The following CADPS2 variants were observed in gnomAD, a reference collection of about 807,000 sequenced individuals.
CADPS2 encodes calcium-dependent secretion activator 2.
CADPS2 carries 93 observed loss-of-function variants against 172.5 expected under a neutral mutation model. That is an observed-to-expected ratio of 0.54 (90% CI 0.46 to 0.64). The LOEUF is 0.64. CADPS2 is among the 30% of genes least tolerant of loss of function. The pLI is 0.00. For missense variants in CADPS2, 1,420 were observed against 1,565.9 expected (o/e 0.91, Z 1.57); for synonymous variants, 546 against 555.2 (o/e 0.98, Z 0.23).
intron 6 of CADPS2, among the ~76,000 whole-genome samples, chr7:122,602,896 T>C (rs1333612671): frequency 6.6e-6 from 1 of 152,102 alleles, no homozygotes; most frequent in Non-Finnish European, 1.5e-5. Context: ...TTCACCTTAA[T>C]TTCATAACTC....
intron 28 of CADPS2, among the ~76,000 whole-genome samples, chr7:122,327,174 C>T (rs750791603): frequency 2.6e-5 from 4 of 152,014 alleles, no homozygotes; most frequent in African/African-American, 9.7e-5. Flanking sequence ...TTAACTGGCA[C>T]GTTAAATCTC....
At chr7:122,652,132 C>T (rs951655757) in intron 3 of CADPS2, among the ~76,000 whole-genome samples, 2 of 152,156 alleles carry the variant, frequency 1.3e-5, no homozygotes, top group East Asian at 3.9e-4. Context: ...ATTAACCACA[C>T]CACTATAGCA....
intron 11 of CADPS2, among the ~76,000 whole-genome samples, chr7:122,488,246 G>T (rs976934261): frequency 2.6e-5 from 4 of 152,140 alleles, no homozygotes; most frequent in Non-Finnish European, 1.5e-5. Flanking sequence ...AATGAACAGA[G>T]CTCCAGAGGA....
At chr7:122,492,151 G>A (rs972613146) in intron 9 of CADPS2, among the ~76,000 whole-genome samples, 2 of 151,982 alleles carry the variant, frequency 1.3e-5, no homozygotes, top group African/African-American at 2.4e-5. Context: ...CAGCCTGGAC[G>A]ACAGAGCGAG....
At chr7:122,570,644 CAAT>C (rs1270262197) in intron 7 of CADPS2, among the ~76,000 whole-genome samples, 4 of 150,650 alleles carry the variant, frequency 2.7e-5, no homozygotes, top group Non-Finnish European at 4.4e-5. Flanking sequence ...AAATGTCCAA[CAAT>C]GATAGACTGG....
intron 8 of CADPS2, among the ~76,000 whole-genome samples, chr7:122,516,858 C>T (rs1247021629): frequency 6.6e-6 from 1 of 151,880 alleles, no homozygotes; most frequent in African/African-American, 2.4e-5. Flanking sequence ...TCTATAATTC[C>T]ACAATGTCTA....
intron 8 of CADPS2, among the ~76,000 whole-genome samples, chr7:122,537,675 C>T (rs1050006762): frequency 6.6e-6 from 1 of 151,706 alleles, no homozygotes; most frequent in Non-Finnish European, 1.5e-5. Flanking sequence ...CACAACCCAA[C>T]AATCCTAGGG....
At chr7:122,347,615 A>G (rs1036014944) in intron 27 of CADPS2, among the ~76,000 whole-genome samples, 1 of 152,150 alleles carries the variant, frequency 6.6e-6, no homozygotes, top group African/African-American at 2.4e-5. Context: ...TTGGCTATCT[A>G]TTTTCAACCT....
chr7:122,629,378 C>G lies in CADPS2; in HGVS notation c.787-50G>C, dbSNP rs1173616281. 3.6e-6 allele frequency: 5 copies of G among 1,397,246 alleles called. No homozygotes were observed. In the East Asian group the frequency reaches 1.2e-4, roughly 34 times the overall value. The allele number at this position is 1,397,246 out of a possible 1,614,324, so 86.6% of individuals were successfully genotyped here. A position where few individuals can be genotyped will look rare whatever the true frequency, so the allele number is the denominator to read the frequency against. ...CATATGTAATTACTTAATCTATATA[C>G]AGTGACCCACAGACTGAGGCAGTCC... is the stretch of plus-strand genomic sequence containing the variant. On this transcript the variant is annotated intron_variant, in intron 3 of 29. Coordinates refer to ENST00000449022, the MANE Select transcript of CADPS2 (RefSeq NM_017954.11).
intron 1 of CADPS2, among the ~76,000 whole-genome samples, chr7:122,739,485 T>C (rs998081602): frequency 6.6e-6 from 1 of 152,154 alleles, no homozygotes; most frequent in East Asian, 1.9e-4. Context: ...GTGTAGAAAA[T>C]TCATGGATAT....
At chr7:122,681,823 T>G (rs1158866005) in intron 2 of CADPS2, among the ~76,000 whole-genome samples, 3 of 151,764 alleles carry the variant, frequency 2.0e-5, no homozygotes, top group African/African-American at 2.4e-5. Context: ...ATATAAAGCC[T>G]TGAACTGTCT....
chr7:122,550,096 C>T (rs1482371206), intron 8 of CADPS2, among the ~76,000 whole-genome samples: 3 of 152,192 alleles, frequency 2.0e-5, no homozygotes, highest in Admixed American at 2.0e-4. Context: ...GCTGTCCCAA[C>T]CTCTGGATGC....
chr7:122,562,312 C>T (rs999648924), intron 7 of CADPS2, among the ~76,000 whole-genome samples: 8 of 152,100 alleles, frequency 5.3e-5, no homozygotes, highest in African/African-American at 9.7e-5. Flanking sequence ...TTCTGAAACA[C>T]GGCAGAGGAA....
At chr7:122,616,755 G>C (rs768659854) in intron 5 of CADPS2, among the ~76,000 whole-genome samples, 18 of 152,030 alleles carry the variant, frequency 1.2e-4, no homozygotes, top group Non-Finnish European at 1.8e-4. Context: ...ACTAAATCTT[G>C]ATTAAAGAAA....
intron 3 of CADPS2, among the ~76,000 whole-genome samples, chr7:122,644,624 G>C (rs2078099939): frequency 6.6e-6 from 1 of 152,070 alleles, no homozygotes; most frequent in Non-Finnish European, 1.5e-5. Flanking sequence ...TATCCCCTCT[G>C]TGTTGACCCA....
At chr7:122,682,577 T>C (rs1047068606) in intron 2 of CADPS2, among the ~76,000 whole-genome samples, 3 of 152,206 alleles carry the variant, frequency 2.0e-5, no homozygotes, top group African/African-American at 7.2e-5. Flanking sequence ...ATCCTTAATA[T>C]ATGTTTACTA....
intron 15 of CADPS2, among the ~76,000 whole-genome samples, chr7:122,443,799 T>C (rs1286195584): frequency 2.0e-5 from 3 of 151,554 alleles, no homozygotes; most frequent in Non-Finnish European, 4.4e-5. Flanking sequence ...TGTACATTAA[T>C]ATTTTTACTT....
Position 122,513,267 on chromosome 7 carries a change from A to T in CADPS2, c.1524T>A (p.Arg508=), listed in dbSNP as rs891074248. 9 of 1,561,970 alleles carry T rather than the reference A, an allele frequency of 5.8e-6. No homozygotes were observed. Among genetic ancestry groups the T allele is most frequent in the Non-Finnish European group, 7.8e-6 (9 of 1,151,656 alleles). Residue 508 remains arginine (R), a synonymous_variant, in exon 9 of 30, where the codon CGT becomes CGA. Transcript: ENST00000449022. The part of the protein sequence containing the change: ...GQKVWKRWKK[R]YFVLVQVSQY... ...GACTAACCTGAACTAGAACAAAGTAACGTTTTTTCCATCTTTTCCAAACCT... is the reference window on the plus strand; with the variant it reads ...GACTAACCTGAACTAGAACAAAGTATCGTTTTTTCCATCTTTTCCAAACCT...
intron 9 of CADPS2, among the ~76,000 whole-genome samples, chr7:122,498,104 G>T (rs1408305608): frequency 6.6e-6 from 1 of 151,910 alleles, no homozygotes; most frequent in East Asian, 1.9e-4. Context: ...TTTGCCACCA[G>T]GCCTGGCTAA....
Sources: allele counts gnomAD v4.1 joint callset (sites outside exome capture counted in the v4.1 genomes callset), GRCh38; gene constraint gnomAD v4.1.1; transcripts MANE v1.5; gene names NCBI Gene and HGNC (gene_info 2026-07-23, HGNC 2026-07-21).